Variants in CRIM1 observed in about 807,000 individuals in gnomAD.
The protein encoded by CRIM1 is cysteine-rich motor neuron 1 protein.
Under a neutral mutation model 116.4 loss-of-function variants are expected in CRIM1, and 32 were observed. That is an observed-to-expected ratio of 0.27 (90% CI 0.21 to 0.37). The LOEUF is 0.37. Among genes scored for constraint, CRIM1 ranks in the 10% least tolerant of loss-of-function variants. The pLI is 1.00. For synonymous variants in CRIM1, 590 were observed against 509.2 expected (o/e 1.16, Z -2.13); for missense variants, 1,331 against 1,354.8 (o/e 0.98, Z 0.28).
chr2:36,357,226 C>A (rs1045363435), intron 1 of CRIM1, among the ~76,000 whole-genome samples: 2 of 152,130 alleles, frequency 1.3e-5, no homozygotes, highest in Non-Finnish European at 2.9e-5. Context: ...AAGTTACACA[C>A]GGTGGTTACT....
intron 2 of CRIM1, 77 bp downstream of exon 2, chr2:36,396,864 C>A: frequency 1.6e-6 from 2 of 1,248,300 alleles, no homozygotes; most frequent in Non-Finnish European, 2.2e-6. Flanking sequence ...AGTATTTGAG[C>A]TTGAAAAGGC....
At chr2:36,450,388 C>G (rs1346343607) in intron 4 of CRIM1, among the ~76,000 whole-genome samples, 1 of 152,192 alleles carries the variant, frequency 6.6e-6, no homozygotes, top group Non-Finnish European at 1.5e-5. Context: ...TTCAGCTGCT[C>G]CGTATTCATA....
At chr2:36,390,264 A>G (rs1216052960) in intron 1 of CRIM1, among the ~76,000 whole-genome samples, 1 of 152,240 alleles carries the variant, frequency 6.6e-6, no homozygotes, top group Non-Finnish European at 1.5e-5. Context: ...TCATTACACT[A>G]AAAATAAGAG....
intron 13 of CRIM1, among the ~76,000 whole-genome samples, chr2:36,535,169 A>G: frequency 9.2e-6 from 1 of 108,968 alleles, no homozygotes; most frequent in African/African-American, 3.6e-5. Context: ...AGGAAGGAGG[A>G]CAGGAGGGAG....
At chr2:36,404,400 A>T (rs926102181) in intron 2 of CRIM1, among the ~76,000 whole-genome samples, 5 of 152,176 alleles carry the variant, frequency 3.3e-5, no homozygotes, top group Admixed American at 6.5e-5. Context: ...AAGTAATTGG[A>T]TAGAGAGGTC....
intron 1 of CRIM1, among the ~76,000 whole-genome samples, chr2:36,389,135 T>C (rs1671389159): frequency 6.6e-6 from 1 of 152,238 alleles, no homozygotes; most frequent in Non-Finnish European, 1.5e-5. Context: ...AAAATACATT[T>C]TTGTAACATG....
rs571750110 is a variant in CRIM1, at chr2:36,535,304, T to A, written c.2429-2048T>A. ...TAAATTAGGCATCATTGGATGATTC[T>A]GTTCAGCCAATTTGACACGTGCATT... On this transcript the variant is annotated intron_variant, in intron 13 of 16. Transcript: ENST00000280527. 4.6e-5 allele frequency among the ~76,000 whole-genome samples: 7 copies of A among 152,280 alleles called. No individual in the cohort carries two copies. In the East Asian group the frequency reaches 1.3e-3, roughly 29 times the overall value.
chr2:36,474,400 A>G lies in CRIM1; in HGVS notation c.992-2489A>G, dbSNP rs535528836. ...ATCTAAGAAACCACTCCCTAATCAA[A>G]GGCCACAAAGATTAACTCTTATGCT... is the stretch of plus-strand genomic sequence containing the variant. On this transcript the variant is annotated intron_variant, in intron 5 of 16. Transcript: ENST00000280527. Among the ~76,000 whole-genome samples the G allele has an allele frequency of 2.6e-5, 4 of 152,286 alleles. No homozygotes were observed. The East Asian group carries it at 7.7e-4, about 29-fold the overall frequency.
intron 11 of CRIM1, among the ~76,000 whole-genome samples, chr2:36,514,901 A>G (rs968859139): frequency 2.6e-5 from 4 of 152,234 alleles, no homozygotes; most frequent in African/African-American, 7.2e-5. Context: ...TACCTTGTAG[A>G]AAACGAGATT....
chr2:36,361,941 C>G (rs770701173), intron 1 of CRIM1, among the ~76,000 whole-genome samples: 2 of 152,094 alleles, frequency 1.3e-5, no homozygotes, highest in Non-Finnish European at 2.9e-5. Context: ...TCTCAGAGGT[C>G]TAATTCTGCA....
chr2:36,532,103 C>T (rs752779122), intron 13 of CRIM1: 7 of 408,880 alleles, frequency 1.7e-5, no homozygotes, highest in Non-Finnish European at 2.5e-5. Context: ...GTAGCGAAGC[C>T]GATCTAAACC....
At chr2:36,420,702 C>G (rs1007752843) in intron 2 of CRIM1, among the ~76,000 whole-genome samples, 2 of 148,860 alleles carry the variant, frequency 1.3e-5, no homozygotes, top group Non-Finnish European at 3.0e-5. Flanking sequence ...GCTGGGGAAG[C>G]AGAGAAGGCA....
At chr2:36,428,936 C>T (rs1244512636) in intron 2 of CRIM1, among the ~76,000 whole-genome samples, 1 of 152,134 alleles carries the variant, frequency 6.6e-6, no homozygotes, top group Non-Finnish European at 1.5e-5. Flanking sequence ...GAGGTGTGGC[C>T]ACGTGACTGA....
intron 16 of CRIM1, among the ~76,000 whole-genome samples, chr2:36,548,010 C>A (rs1667471175): frequency 6.6e-6 from 1 of 152,114 alleles, no homozygotes; most frequent in African/African-American, 2.4e-5. Context: ...TTTCTTTGAA[C>A]AAATGTACAT....
At chr2:36,533,114 A>G (rs1380883768) in intron 13 of CRIM1, among the ~76,000 whole-genome samples, 1 of 152,126 alleles carries the variant, frequency 6.6e-6, no homozygotes, top group African/African-American at 2.4e-5. Flanking sequence ...TCTCAATTAG[A>G]TTATGCTGTT....
chr2:36,485,959 A>G (rs1395554219), intron 7 of CRIM1, among the ~76,000 whole-genome samples: 1 of 152,252 alleles, frequency 6.6e-6, no homozygotes, highest in African/African-American at 2.4e-5. Context: ...TGTCCAAATA[A>G]GGTCATATGT....
intron 1 of CRIM1, chr2:36,378,556 G>C (rs912381501): frequency 2.8e-6 from 1 of 353,712 alleles, no homozygotes; most frequent in Admixed American, 3.7e-5. Context: ...ACTTAAGGAA[G>C]TTAATTTGAA....
chr2:36,403,183 T>G (rs1341656883), intron 2 of CRIM1, among the ~76,000 whole-genome samples: 3 of 152,096 alleles, frequency 2.0e-5, no homozygotes, highest in Admixed American at 2.0e-4. Flanking sequence ...ATCACATGGG[T>G]TAGATTGGTG....
intron 7 of CRIM1, among the ~76,000 whole-genome samples, chr2:36,487,584 C>G (rs530558611): frequency 6.7e-6 from 1 of 148,452 alleles, no homozygotes; most frequent in South Asian, 2.1e-4. Context: ...GGTGGCCGAT[C>G]TAGCTGAGTA....
Sources: allele counts gnomAD v4.1 joint callset (sites outside exome capture counted in the v4.1 genomes callset), GRCh38; gene constraint gnomAD v4.1.1; transcripts MANE v1.5; gene names NCBI Gene and HGNC (gene_info 2026-07-23, HGNC 2026-07-21).